Variants in GALNT18 observed in about 807,000 individuals in gnomAD.
GALNT18 encodes polypeptide N-acetylgalactosaminyltransferase 18.
Under a neutral mutation model 69.5 loss-of-function variants are expected in GALNT18, and 44 were observed. The ratio of observed to expected loss-of-function variants is 0.63; its 90% confidence interval spans 0.50 to 0.81. The LOEUF (loss-of-function observed/expected upper bound fraction) is 0.81. Among genes scored for constraint, GALNT18 ranks in the 40% least tolerant of loss-of-function variants. The pLI is 0.00. For synonymous variants in GALNT18, 364 were observed against 318.2 expected (o/e 1.14, Z -1.53); for missense variants, 715 against 810.0 (o/e 0.88, Z 1.42).
At chr11:11,271,390 G>T (rs1273356833) in intron 10 of GALNT18, 100 bp from the exon 11 acceptor site, 3 of 1,254,116 alleles carry the variant, frequency 2.4e-6, no homozygotes, top group Non-Finnish European at 3.4e-6. Flanking sequence ...GACATTATCT[G>T]TGTGGCCAGA....
chr11:11,354,908 T>C (rs1401585450), intron 6 of GALNT18, among the ~76,000 whole-genome samples: 1 of 152,156 alleles, frequency 6.6e-6, no homozygotes, highest in East Asian at 1.9e-4. Flanking sequence ...AATTCATCTG[T>C]AGCAATGTCT....
chr11:11,332,958 C>T lies in GALNT18; in HGVS notation c.1279-127G>A, dbSNP rs1207414278. 1.0e-5 allele frequency: 10 copies of T among 995,006 alleles called. No individual in the cohort carries two copies. The highest frequency in any genetic ancestry group is 9.5e-5 in the African/African-American group (6 of 63,204). 61.6% of individuals were successfully genotyped at this position (995,006 alleles called of 1,614,324 possible). On this transcript the variant is annotated intron_variant, in intron 7 of 10. Coordinates refer to ENST00000227756, the MANE Select transcript of GALNT18 (RefSeq NM_198516.3). This position sits in a 1 kb window ranked among gnomAD's most constrained non-coding sequence, Gnocchi z 4.3. ...AGACTGGGGAAGGGACCATGTGGCA[C>T]GTTAACTCTTGCATTTTCCCACGGG...
Position 11,616,922 on chromosome 11 carries a change from CAGTT to C in GALNT18, c.235+4433_235+4436del, listed in dbSNP as rs1216720155. On this transcript the variant is annotated intron_variant, in intron 1 of 10. Transcript: ENST00000227756. This position sits in a 1 kb window ranked among gnomAD's most constrained non-coding sequence, Gnocchi z 4.4. ...TTGCAAAGGTTTTATAAACGGTAGT[CAGTT>C]AAAGAATAGCAATCAAATTACATGT... 4.6e-5 allele frequency among the ~76,000 whole-genome samples: 7 copies of C among 152,160 alleles called. 1 individual carries two copies. In the East Asian group the frequency reaches 7.7e-4, roughly 17 times the overall value.
intron 5 of GALNT18, among the ~76,000 whole-genome samples, chr11:11,373,825 A>G (rs554599549): frequency 1.1e-4 from 17 of 152,200 alleles, no homozygotes; most frequent in Non-Finnish European, 2.2e-4. Flanking sequence ...GAATTGTTCT[A>G]CTGCTTATTG....
intron 1 of GALNT18, among the ~76,000 whole-genome samples, chr11:11,522,314 C>T (rs1488060066): frequency 6.6e-6 from 1 of 152,218 alleles, no homozygotes; most frequent in Non-Finnish European, 1.5e-5. Flanking sequence ...AGCTTCCCTG[C>T]ATCCCATCCC....
chr11:11,385,287 T>C (rs528083049), intron 3 of GALNT18, among the ~76,000 whole-genome samples: 30 of 141,136 alleles, frequency 2.1e-4, no homozygotes, highest in Middle Eastern at 3.6e-3. Context: ...ACCTCCACTA[T>C]TGGGGATCAA....
chr11:11,451,165 T>C (rs1855787113), intron 1 of GALNT18, among the ~76,000 whole-genome samples: 1 of 152,324 alleles, frequency 6.6e-6, no homozygotes, highest in Non-Finnish European at 1.5e-5. Flanking sequence ...AACTTGCTCA[T>C]TCTTCTCCCC....
At chr11:11,292,238 G>A (rs1260828560) in intron 10 of GALNT18, among the ~76,000 whole-genome samples, 2 of 152,170 alleles carry the variant, frequency 1.3e-5, no homozygotes, top group African/African-American at 2.4e-5. Context: ...TGGGAGGCAG[G>A]CATCCCTATC....
intron 1 of GALNT18, among the ~76,000 whole-genome samples, chr11:11,501,966 T>A (rs1249163452): frequency 6.6e-6 from 1 of 152,210 alleles, no homozygotes. Flanking sequence ...CTTTGCCCAC[T>A]GCCTTGCAAG....
intron 1 of GALNT18, among the ~76,000 whole-genome samples, chr11:11,553,353 G>A (rs761985942): frequency 7.9e-5 from 12 of 152,170 alleles, no homozygotes; most frequent in Admixed American, 5.9e-4. Flanking sequence ...TGCCTTCCCA[G>A]TCAAGCACCT....
intron 9 of GALNT18, among the ~76,000 whole-genome samples, chr11:11,298,862 C>T (rs4243926): frequency 0.46 from 70,346 of 152,078 alleles, 17,149 homozygotes; most frequent in Middle Eastern, 0.57. Flanking sequence ...AGGAGGAGGA[C>T]GTTGCAGATG....
At chr11:11,445,618 A>C (rs1259060055) in intron 2 of GALNT18, among the ~76,000 whole-genome samples, 1 of 152,214 alleles carries the variant, frequency 6.6e-6, no homozygotes, top group Non-Finnish European at 1.5e-5. Flanking sequence ...TGCGTCTGGC[A>C]CGTGAGCTGA....
chr11:11,380,933 C>A (rs1035758926), intron 3 of GALNT18, among the ~76,000 whole-genome samples: 2 of 152,130 alleles, frequency 1.3e-5, no homozygotes, highest in African/African-American at 4.8e-5. Flanking sequence ...ACAGTGTGAC[C>A]CCTGTCCTAA....
In GALNT18 at chr11:11,564,497, C is replaced by G. The variant is rs74966838; in HGVS notation, c.235+56862G>C. 6.6e-6 allele frequency among the ~76,000 whole-genome samples: 1 copy of G among 152,158 alleles called. No individual in the cohort carries two copies. Among genetic ancestry groups the G allele is most frequent in the African/African-American group, 2.4e-5 (1 of 41,420 alleles). ...CATGCCTCCCTTCTTTTCTTCCCCA[C>G]GGCCCTATGCATTTTATCTGCCTTA... On this transcript the variant is annotated intron_variant, in intron 1 of 10. Transcript: ENST00000227756. The surrounding 1 kb of genome is among the most constrained non-coding windows in gnomAD (Gnocchi z 4.3).
intron 1 of GALNT18, among the ~76,000 whole-genome samples, chr11:11,518,655 C>G (rs568356002): frequency 7.2e-5 from 11 of 152,330 alleles, no homozygotes; most frequent in African/African-American, 2.6e-4. Context: ...TTCTTGAAAA[C>G]ACACGGACAT....
At chr11:11,473,970 C>T (rs1455622901) in intron 1 of GALNT18, among the ~76,000 whole-genome samples, 2 of 152,142 alleles carry the variant, frequency 1.3e-5, no homozygotes, top group Non-Finnish European at 2.9e-5. Flanking sequence ...GAGGCTGGGG[C>T]AGGAGAATGG....
chr11:11,460,707 A>G lies in GALNT18; in HGVS notation c.236-11771T>C, dbSNP rs549765063. On this transcript the variant is annotated intron_variant, in intron 1 of 10. Transcript: ENST00000227756. ...CCTGACCCACACAGACGGAATCATT[A>G]TAGTGTCCAACTGGCTTCCTGCTAC... Among the ~76,000 whole-genome samples the G allele has an allele frequency of 5.9e-5, 9 of 152,314 alleles. No individual in the cohort carries two copies. In the South Asian group the frequency reaches 1.5e-3, roughly 25 times the overall value.
At chr11:11,515,137 T>C (rs1857245901) in intron 1 of GALNT18, among the ~76,000 whole-genome samples, 1 of 152,142 alleles carries the variant, frequency 6.6e-6, no homozygotes, top group Non-Finnish European at 1.5e-5. Flanking sequence ...GGCTCAGCTA[T>C]GCACTCTGTA....
At chr11:11,506,325 T>C (rs554465041) in intron 1 of GALNT18, among the ~76,000 whole-genome samples, 2 of 152,312 alleles carry the variant, frequency 1.3e-5, no homozygotes, top group African/African-American at 4.8e-5. Flanking sequence ...ATTTAATATG[T>C]GTTCACTTCA....
Sources: gnomAD v4.1 joint callset for allele counts (sites outside exome capture counted in the v4.1 genomes callset) on GRCh38, gnomAD v4.1.1 for gene constraint, Gnocchi (gnomAD v3.1) non-coding constraint, MANE v1.5 for transcripts, NCBI Gene and HGNC (gene_info 2026-07-23, HGNC 2026-07-21) for gene names.